BCAS3: variants seen among roughly 807,000 people sequenced by gnomAD.
The protein encoded by BCAS3 is BCAS3 microtubule associated cell migration factor, also known as BCAS4/BCAS3 fusion.
In BCAS3, 53 loss-of-function variants were observed where a neutral mutation model predicts 116.1. The observed-to-expected ratio is 0.46, with a 90% CI of 0.37 to 0.57. The LOEUF (loss-of-function observed/expected upper bound fraction) is 0.57, where lower values mean the gene tolerates loss of function less well. BCAS3 is among the 20% of genes least tolerant of loss of function. The pLI is 0.00. For missense variants in BCAS3, 917 were observed against 1,165.4 expected (o/e 0.79, Z 3.10); for synonymous variants, 391 against 408.2 (o/e 0.96, Z 0.51).
At chr17:60,770,400 CTTTTTTTTTTTTTTTTTTTTTTTTT>C (rs35691381) in intron 6 of BCAS3, among the ~76,000 whole-genome samples, 3 of 76,876 alleles carry the variant, frequency 3.9e-5, no homozygotes, top group Non-Finnish European at 8.8e-5. Flanking sequence ...AGTGTTCCCT[CTTTTTTTTTTTTTTTTTTTTTTTTT>C]TTTTTTTTTT....
At chr17:60,874,776 G>A in intron 9 of BCAS3, 38 bp downstream of exon 9, 1 of 1,328,028 alleles carries the variant, frequency 7.5e-7, no homozygotes, top group Non-Finnish European at 1.1e-6. Flanking sequence ...ATGCCTTTGG[G>A]TTTATACTAC....
At chr17:60,846,882 A>T (rs1020568027) in intron 7 of BCAS3, among the ~76,000 whole-genome samples, 6 of 152,150 alleles carry the variant, frequency 3.9e-5, no homozygotes, top group African/African-American at 1.4e-4. Flanking sequence ...AGCATTTAGC[A>T]CATTTACAAT....
chr17:60,989,853 C>G lies in BCAS3; in HGVS notation c.1222-118C>G, dbSNP rs1207976010. On this transcript the variant is annotated intron_variant, in intron 14 of 23. Coordinates refer to ENST00000407086, the MANE Select transcript of BCAS3 (RefSeq NM_017679.5). ...AGTAAATTTTTATTTATTACCTGAT[C>G]TTAGGTACATTTGGTAATGAGGCAA... 7.2e-6 allele frequency: 8 copies of G among 1,112,464 alleles called. No individual in the cohort carries two copies. The East Asian group carries it at 1.9e-4, about 26-fold the overall frequency. 68.9% of individuals were successfully genotyped at this position (1,112,464 alleles called of 1,614,324 possible).
intron 22 of BCAS3, among the ~76,000 whole-genome samples, chr17:61,163,949 A>G (rs2078321245): frequency 7.1e-6 from 1 of 141,488 alleles, no homozygotes; most frequent in South Asian, 2.3e-4. Context: ...GTGAGCCGAG[A>G]TTGTACCATC....
At chr17:61,110,082 ATT>A (rs2074955178) in intron 22 of BCAS3, among the ~76,000 whole-genome samples, 1 of 152,156 alleles carries the variant, frequency 6.6e-6, no homozygotes, top group Non-Finnish European at 1.5e-5. Context: ...CAGGTCTTAG[ATT>A]TAAGTCTTTA....
intron 5 of BCAS3, among the ~76,000 whole-genome samples, chr17:60,726,647 C>T (rs553929843): frequency 1.3e-4 from 20 of 151,948 alleles, no homozygotes; most frequent in African/African-American, 3.1e-4. Context: ...GTAGCTGGGA[C>T]TACAGATGCC....
chr17:61,370,027 C>T (rs1454383579), intron 23 of BCAS3, among the ~76,000 whole-genome samples: 2 of 152,202 alleles, frequency 1.3e-5, no homozygotes, highest in African/African-American at 4.8e-5. Flanking sequence ...CCCCTTGGAG[C>T]ATCTCACTGT....
rs2065549891 is a variant in BCAS3 at position 61,017,588 on chromosome 17, G to A, written c.1637+1687G>A. On this transcript the variant is annotated intron_variant, in intron 16 of 23. Coordinates refer to ENST00000407086, the MANE Select transcript of BCAS3 (RefSeq NM_017679.5). The surrounding 1 kb of genome is among the most constrained non-coding windows in gnomAD (Gnocchi z 4.7). The stretch of plus-strand genomic sequence containing the variant: ...GCGTGTTTATTTAATTTTAACATAA[G>A]AGCTGTCCTGTTTTATAATGCAAAG... 6.6e-6 allele frequency among the ~76,000 whole-genome samples: 1 copy of A among 152,154 alleles called. No individual in the cohort carries two copies. Among genetic ancestry groups the A allele is most frequent in the African/African-American group, 2.4e-5 (1 of 41,428 alleles).
intron 2 of BCAS3, among the ~76,000 whole-genome samples, chr17:60,682,769 G>A (rs1257419799): frequency 6.6e-6 from 1 of 152,064 alleles, no homozygotes; most frequent in African/African-American, 2.4e-5. Context: ...TGATCCACTC[G>A]CCTCGGCCTC....
chr17:60,984,547 G>T (rs1040807637), intron 14 of BCAS3, among the ~76,000 whole-genome samples: 2 of 151,722 alleles, frequency 1.3e-5, no homozygotes, highest in African/African-American at 4.8e-5. Context: ...GAAATATTTT[G>T]ATACAGGCAT....
rs1172405977 is a variant in BCAS3, at chr17:61,286,394, G to A, written c.2426-81933G>A. Among the ~76,000 whole-genome samples the A allele has an allele frequency of 6.6e-6, 1 of 152,210 alleles. No individual in the cohort carries two copies. The highest frequency in any genetic ancestry group is 2.1e-4 in the South Asian group (1 of 4,824). On this transcript the variant is annotated intron_variant, in intron 22 of 23. Coordinates refer to ENST00000407086, the MANE Select transcript of BCAS3 (RefSeq NM_017679.5). The surrounding 1 kb of genome is among the most constrained non-coding windows in gnomAD (Gnocchi z 4.8). ...CTCCTGTGCTGGTGAAGTCTGGCGT[G>A]TGGAGAGGCCTCTGGTTATTGGGAG...
intron 5 of BCAS3, among the ~76,000 whole-genome samples, chr17:60,743,453 C>T (rs994750685): frequency 2.6e-5 from 4 of 150,990 alleles, no homozygotes; most frequent in Non-Finnish European, 4.4e-5. Flanking sequence ...TCATGTTATA[C>T]ATATACTTAG....
Position 61,304,757 on chromosome 17 carries a change from CT to C in BCAS3, c.2426-63557del, listed in dbSNP as rs67145055. ...TTGAATTCTATTTTCCTTCCCAATC[CT>C]TTTTTTTTTTTTGAGGCGGAGTTTC... On this transcript the variant is annotated intron_variant, in intron 22 of 23. Coordinates refer to ENST00000407086, the MANE Select transcript of BCAS3 (RefSeq NM_017679.5). Among the ~76,000 whole-genome samples the C allele has an allele frequency of 4.4e-3, 632 of 144,242 alleles. 1 individual carries two copies. The highest frequency in any genetic ancestry group is 6.5e-3 in the East Asian group (32 of 4,960). 94.6% of individuals were successfully genotyped at this position (144,242 alleles called of 152,430 possible).
At chr17:61,110,562 T>C (rs1417164443) in intron 22 of BCAS3, among the ~76,000 whole-genome samples, 1 of 152,168 alleles carries the variant, frequency 6.6e-6, no homozygotes, top group Non-Finnish European at 1.5e-5. Flanking sequence ...CACCACGAGA[T>C]TATATCCCGC....
intron 15 of BCAS3, among the ~76,000 whole-genome samples, chr17:60,998,133 A>G (rs1217773265): frequency 6.6e-6 from 1 of 152,220 alleles, no homozygotes; most frequent in South Asian, 2.1e-4. Flanking sequence ...TACTTAGGAT[A>G]ACGACCTCCA....
At chr17:61,035,214 A>G (rs1183345230) in intron 17 of BCAS3, among the ~76,000 whole-genome samples, 2 of 152,184 alleles carry the variant, frequency 1.3e-5, no homozygotes, top group African/African-American at 4.8e-5. Context: ...TTAGTTAGGC[A>G]ATGGAATCAG....
At chr17:61,168,265 A>C (rs2078635143) in intron 22 of BCAS3, among the ~76,000 whole-genome samples, 1 of 151,880 alleles carries the variant, frequency 6.6e-6, no homozygotes, top group South Asian at 2.1e-4. Flanking sequence ...GATCTTTTTG[A>C]TGACTCTTTG....
intron 12 of BCAS3, among the ~76,000 whole-genome samples, chr17:60,910,911 T>G (rs1201996853): frequency 6.6e-6 from 1 of 152,146 alleles, no homozygotes; most frequent in Non-Finnish European, 1.5e-5. Context: ...AACCTGAAGG[T>G]AAAGTCGAGG....
chr17:61,279,274 T>A lies in BCAS3; in HGVS notation c.2426-89053T>A, dbSNP rs2051032819. Among the ~76,000 whole-genome samples the A allele has an allele frequency of 6.6e-6, 1 of 152,122 alleles. No individual in the cohort carries two copies. Among genetic ancestry groups the A allele is most frequent in the African/African-American group, 2.4e-5 (1 of 41,446 alleles). ...AATTATATACTTTAAGTGGGTGAAT[T>A]GTATGTTAGGTGAATTATATCTCAA... On this transcript the variant is annotated intron_variant, in intron 22 of 23. Coordinates refer to ENST00000407086, the MANE Select transcript of BCAS3 (RefSeq NM_017679.5). The surrounding 1 kb of genome is among the most constrained non-coding windows in gnomAD (Gnocchi z 4.4).
Sources: gnomAD v4.1 joint callset for allele counts (sites outside exome capture counted in the v4.1 genomes callset) on GRCh38, gnomAD v4.1.1 for gene constraint, Gnocchi (gnomAD v3.1) non-coding constraint, MANE v1.5 for transcripts, NCBI Gene and HGNC (gene_info 2026-07-23, HGNC 2026-07-21) for gene names.